DLG2: variants seen among roughly 807,000 people sequenced by gnomAD.
The protein encoded by DLG2 is discs large MAGUK scaffold protein 2.
A neutral mutation model predicts 132.5 loss-of-function variants in DLG2; 45 were observed. The observed-to-expected ratio is 0.34, with a 90% CI of 0.27 to 0.44. The LOEUF (loss-of-function observed/expected upper bound fraction) is 0.44, where lower values mean the gene tolerates loss of function less well. Ranked by LOEUF, DLG2 falls within the 20% of genes least tolerant of loss-of-function variation. The pLI is 1.00. For synonymous variants in DLG2, 424 were observed against 419.6 expected (o/e 1.01, Z -0.13); for missense variants, 1,045 against 1,196.9 (o/e 0.87, Z 1.87).
chr11:85,124,697 G>C (rs1033536865), intron 5 of DLG2, among the ~76,000 whole-genome samples: 11 of 152,098 alleles, frequency 7.2e-5, no homozygotes, highest in African/African-American at 2.4e-4. Context: ...TATAATCATG[G>C]GTAATCTGCT....
intron 6 of DLG2, among the ~76,000 whole-genome samples, chr11:84,568,096 G>A (rs1414633589): frequency 6.6e-6 from 1 of 152,134 alleles, no homozygotes; most frequent in Non-Finnish European, 1.5e-5. Context: ...TAGAGGAAAT[G>A]GCATGGCTAG....
At chr11:85,074,716 G>T (rs149457967) in intron 6 of DLG2, among the ~76,000 whole-genome samples, 1 of 151,786 alleles carries the variant, frequency 6.6e-6, no homozygotes, top group Non-Finnish European at 1.5e-5. Context: ...AAGAATATAG[G>T]AGGAGACTTG....
intron 21 of DLG2, among the ~76,000 whole-genome samples, chr11:83,487,480 C>A (rs1373645483): frequency 6.6e-6 from 1 of 151,962 alleles, no homozygotes; most frequent in Admixed American, 6.6e-5. Flanking sequence ...ATTACTTGCC[C>A]CAGAGTCACA....
intron 6 of DLG2, among the ~76,000 whole-genome samples, chr11:84,665,713 T>C (rs1340528968): frequency 6.6e-6 from 1 of 152,166 alleles, no homozygotes; most frequent in Non-Finnish European, 1.5e-5. Flanking sequence ...TCTGTTGTGC[T>C]TGTCTTCCTT....
At chr11:84,778,690 T>G (rs1357199626) in intron 6 of DLG2, among the ~76,000 whole-genome samples, 1 of 152,110 alleles carries the variant, frequency 6.6e-6, no homozygotes, top group East Asian at 1.9e-4. Flanking sequence ...GTCAAGCTGA[T>G]TGGATTGAAG....
chr11:84,175,110 C>T (rs532460230), intron 8 of DLG2, among the ~76,000 whole-genome samples: 1 of 152,026 alleles, frequency 6.6e-6, no homozygotes, highest in Non-Finnish European at 1.5e-5. Flanking sequence ...CAAATGAGTG[C>T]CTATAGGGAT....
chr11:84,812,472 C>T (rs535239818), intron 6 of DLG2, among the ~76,000 whole-genome samples: 1 of 152,114 alleles, frequency 6.6e-6, no homozygotes, highest in Non-Finnish European at 1.5e-5. Context: ...CTCCTATGCA[C>T]AGATTGCACT....
At chr11:84,909,038 G>C (rs2091827235) in intron 6 of DLG2, among the ~76,000 whole-genome samples, 2 of 151,882 alleles carry the variant, frequency 1.3e-5, no homozygotes, top group Admixed American at 6.6e-5. Context: ...AACTCTACTT[G>C]TTCACATGTA....
intron 15 of DLG2, among the ~76,000 whole-genome samples, chr11:83,884,856 G>C (rs1049336123): frequency 6.6e-6 from 1 of 152,156 alleles, no homozygotes; most frequent in Non-Finnish European, 1.5e-5. Flanking sequence ...TGGACCTCTA[G>C]CAAACTCCAA....
chr11:85,625,916 T>G (rs2082006227), intron 2 of DLG2, among the ~76,000 whole-genome samples: 1 of 152,168 alleles, frequency 6.6e-6, no homozygotes, highest in South Asian at 2.1e-4. Flanking sequence ...TATAATCAAC[T>G]ATGCTTCAGG....
intron 21 of DLG2, among the ~76,000 whole-genome samples, chr11:83,496,554 T>C (rs2094158472): frequency 6.6e-6 from 1 of 152,096 alleles, no homozygotes; most frequent in Non-Finnish European, 1.5e-5. Flanking sequence ...CTAATATCCA[T>C]CAACAGGTAA....
intron 18 of DLG2, among the ~76,000 whole-genome samples, chr11:83,663,209 T>A (rs2074758656): frequency 6.6e-6 from 1 of 152,198 alleles, no homozygotes. Context: ...GAATTGAGGC[T>A]CCTAGAGACA....
intron 6 of DLG2, among the ~76,000 whole-genome samples, chr11:85,005,109 A>T (rs144705309): frequency 1.3e-5 from 2 of 152,296 alleles, no homozygotes; most frequent in Admixed American, 6.5e-5. Flanking sequence ...TACCAATAAC[A>T]TGCTGTTTTG....
chr11:83,538,886 GC>G (rs1241118357), intron 20 of DLG2, among the ~76,000 whole-genome samples: 1 of 152,192 alleles, frequency 6.6e-6, no homozygotes, highest in African/African-American at 2.4e-5. Context: ...CCCAAGCAAT[GC>G]TTGCTGAATT....
intron 3 of DLG2, among the ~76,000 whole-genome samples, chr11:85,472,942 A>T (rs2093031594): frequency 6.6e-6 from 1 of 152,178 alleles, no homozygotes; most frequent in South Asian, 2.1e-4. Flanking sequence ...GGGAGCCCAG[A>T]CCTCAGGGCT....
At chr11:84,271,517 T>A (rs1447187927) in intron 7 of DLG2, among the ~76,000 whole-genome samples, 1 of 152,172 alleles carries the variant, frequency 6.6e-6, no homozygotes, top group Non-Finnish European at 1.5e-5. Flanking sequence ...ATAGAAATAA[T>A]TTTATGAGAT....
At chr11:83,574,417 A>G (rs2096843643) in intron 19 of DLG2, among the ~76,000 whole-genome samples, 1 of 152,198 alleles carries the variant, frequency 6.6e-6, no homozygotes, top group African/African-American at 2.4e-5. Flanking sequence ...TGCATATAAG[A>G]CAGTATTTTT....
intron 7 of DLG2, among the ~76,000 whole-genome samples, chr11:84,336,935 C>T (rs1386970981): frequency 6.6e-6 from 1 of 152,154 alleles, no homozygotes; most frequent in Non-Finnish European, 1.5e-5. Context: ...CTCCCTCTTC[C>T]CTCACTCCTA....
At chr11:84,372,430 A>G (rs2098710224) in intron 7 of DLG2, among the ~76,000 whole-genome samples, 2 of 152,196 alleles carry the variant, frequency 1.3e-5, no homozygotes, top group Non-Finnish European at 2.9e-5. Flanking sequence ...GTATTTAATA[A>G]ATAAAGACAG....
Sources: allele counts gnomAD v4.1 joint callset (sites outside exome capture counted in the v4.1 genomes callset), GRCh38; gene constraint gnomAD v4.1.1; transcripts MANE v1.5; gene names NCBI Gene and HGNC (gene_info 2026-07-23, HGNC 2026-07-21).